The following STKLD1 variants were observed in gnomAD, a reference collection of about 807,000 sequenced individuals.
STKLD1 encodes serine/threonine kinase-like domain-containing protein STKLD1.
In STKLD1, 79 loss-of-function variants were observed where a neutral mutation model predicts 80.4. That is an observed-to-expected ratio of 0.98 (90% CI 0.82 to 1.19). The LOEUF (loss-of-function observed/expected upper bound fraction) is 1.19, where lower values mean the gene tolerates loss of function less well. Ranked by LOEUF, STKLD1 falls within the 50% of genes most tolerant of loss-of-function variation. The pLI, the probability that STKLD1 is intolerant of heterozygous loss-of-function variation, is 0.00. For missense variants in STKLD1, 841 were observed against 856.0 expected, an observed-to-expected ratio of 0.98 and a Z score of 0.22; for synonymous variants, 393 against 357.6, an observed-to-expected ratio of 1.10 and a Z score of -1.12.
chr9:133,395,962 G>A (rs772160413), intron 9 of STKLD1, 199 bp downstream of exon 9: 25 of 551,526 alleles, frequency 4.5e-5, no homozygotes, highest in Admixed American at 1.9e-4. Context: ...CCGAATGTAC[G>A]GTGGAGTGAG....
At chr9:133,403,669 G>A (rs782253368) in intron 14 of STKLD1, 31 bp from the exon 15 acceptor site, 2 of 1,604,654 alleles carry the variant, frequency 1.2e-6, no homozygotes, top group African/African-American at 2.7e-5. Flanking sequence ...CAAGGCCTGG[G>A]TGTCCCCTTC....
chr9:133,404,430 G>A (rs587773454), intron 16 of STKLD1, among the ~76,000 whole-genome samples: 1 of 152,332 alleles, frequency 6.6e-6, no homozygotes, highest in East Asian at 1.9e-4. Flanking sequence ...GCTGAGCACA[G>A]CACAACCGAC....
intron 7 of STKLD1, among the ~76,000 whole-genome samples, chr9:133,392,751 G>A: frequency 1.2e-5 from 1 of 85,016 alleles, no homozygotes; most frequent in African/African-American, 5.7e-5. Context: ...GGATGGATAG[G>A]AGGGTGGGTG....
Position 133,405,331 on chromosome 9 carries a change from G to C in STKLD1, c.1953G>C (p.Leu651=). The stretch of plus-strand genomic sequence containing the variant: ...TCAAGGAGCGCTTCACCTCCAGCCT[G>C]GTGAGTGACAGCAGCGCCTTCAGCA... ...QEIKERFTSS[L]VSDSSAFSKP... Residue 651 remains leucine, a synonymous_variant, in exon 18 of 18, where the codon CTG becomes CTC. Transcript: ENST00000371957. The C allele has an allele frequency of 1.2e-6, 2 of 1,612,916 alleles. No individual in the cohort carries two copies. Among genetic ancestry groups the C allele is most frequent in the Non-Finnish European group, 1.7e-6 (2 of 1,179,938 alleles).
At chr9:133,395,368 T>G (rs1838532782) in intron 8 of STKLD1, among the ~76,000 whole-genome samples, 1 of 152,140 alleles carries the variant, frequency 6.6e-6, no homozygotes, top group Admixed American at 6.5e-5. Context: ...GGGGCTTTCT[T>G]GGCAGGACTC....
Position 133,405,545 on chromosome 9 carries a change from C to G in STKLD1, c.*124C>G. On this transcript the variant is annotated 3_prime_UTR_variant, in exon 18 of 18. Coordinates refer to ENST00000371957, the MANE Select transcript of STKLD1 (RefSeq NM_153710.5). ...ATCTTAAACGGGAGGGGTAATCAGACCTCTCCAAAGAGTTTCCTGTCCATG... is the reference window on the plus strand; with the variant it reads ...ATCTTAAACGGGAGGGGTAATCAGAGCTCTCCAAAGAGTTTCCTGTCCATG... The G allele has an allele frequency of 1.0e-6, 1 of 985,576 alleles. No homozygotes were observed. Among genetic ancestry groups the G allele is most frequent in the Non-Finnish European group, 1.4e-6 (1 of 696,198 alleles). 61.1% of individuals were successfully genotyped at this position (985,576 alleles called of 1,614,324 possible). A position where few individuals can be genotyped will look rare whatever the true frequency, so the allele number is the denominator to read the frequency against.
In STKLD1 at chr9:133,401,732, G is replaced by A; in HGVS notation, c.1199-6G>A. The A allele has an allele frequency of 1.2e-6, 2 of 1,610,552 alleles. No individual in the cohort carries two copies. Among genetic ancestry groups the A allele is most frequent in the African/African-American group, 1.3e-5 (1 of 74,980 alleles). Reference sequence around the variant, plus strand: ...AACCCCAGGCGTCTTCCTCTGGCTTGAGCAGCGCTGGTGCACCACCCGGAA... The same window carrying A: ...AACCCCAGGCGTCTTCCTCTGGCTTAAGCAGCGCTGGTGCACCACCCGGAA... On this transcript the variant is annotated splice_region_variant and splice_polypyrimidine_tract_variant and intron_variant, in intron 12 of 17. Transcript: ENST00000371957.
At chr9:133,378,084 G>T (rs1050629486) in intron 1 of STKLD1, among the ~76,000 whole-genome samples, 1 of 152,184 alleles carries the variant, frequency 6.6e-6, no homozygotes, top group African/African-American at 2.4e-5. Context: ...ATGGGGAGCG[G>T]CTGTAAATAC....
chr9:133,400,330 C>T lies in STKLD1; in HGVS notation c.1082-83C>T, dbSNP rs587677931. On this transcript the variant is annotated intron_variant, in intron 11 of 17. Coordinates refer to ENST00000371957, the MANE Select transcript of STKLD1 (RefSeq NM_153710.5). Reference sequence around the variant, plus strand: ...CCACCTAGGGCCCTGCAGGCTCCTACCAGCCTCTGGGGGCCCTGGTCGGGT... The same window carrying T: ...CCACCTAGGGCCCTGCAGGCTCCTATCAGCCTCTGGGGGCCCTGGTCGGGT... 26 of 1,000,518 alleles carry T rather than the reference C, an allele frequency of 2.6e-5. No homozygotes were observed. The East Asian group carries it at 4.8e-4, about 18-fold the overall frequency. The allele number at this position is 1,000,518 out of a possible 1,614,324, so 62.0% of individuals were successfully genotyped here.
intron 11 of STKLD1, 135 bp downstream of exon 11, chr9:133,398,190 A>T: frequency 1.4e-6 from 1 of 716,516 alleles, no homozygotes; most frequent in South Asian, 1.9e-5. Flanking sequence ...GGAGGCGTGC[A>T]TGTGTCCCCA....
intron 11 of STKLD1, 132 bp downstream of exon 11, chr9:133,398,187 T>A: frequency 1.4e-6 from 1 of 731,986 alleles, no homozygotes; most frequent in Non-Finnish European, 2.2e-6. Flanking sequence ...CGTGGAGGCG[T>A]GCATGTGTCC....
At chr9:133,386,871 G>A (rs117635052) in intron 4 of STKLD1, among the ~76,000 whole-genome samples, 2 of 152,318 alleles carry the variant, frequency 1.3e-5, no homozygotes, top group East Asian at 1.9e-4. Flanking sequence ...CAACAATCCC[G>A]GGTCCGAGCA....
intron 2 of STKLD1, among the ~76,000 whole-genome samples, chr9:133,383,219 G>GA (rs2119210046): frequency 7.6e-6 from 1 of 131,700 alleles, no homozygotes; most frequent in Admixed American, 7.8e-5. Context: ...AATGATGGTG[G>GA]TGATGGTGAT....
intron 11 of STKLD1, among the ~76,000 whole-genome samples, chr9:133,399,366 A>G (rs1297422182): frequency 6.6e-6 from 1 of 152,056 alleles, no homozygotes; most frequent in Non-Finnish European, 1.5e-5. Flanking sequence ...CTGGCCTTTG[A>G]GTAGGTAGCA....
In STKLD1 at chr9:133,379,110, T is replaced by C. The variant is rs2130259692; in HGVS notation, c.162T>C (p.His54=). 19 of 1,613,898 alleles carry C rather than the reference T, an allele frequency of 1.2e-5. No individual in the cohort carries two copies. ...AGGAAATGGAAACCAAAGTCAAGCA[T>C]GTGATAAAGCAGGTAAGAGGCCAAG... The part of the protein sequence containing the change: ...VVEEMETKVK[H]VIKQVECMDD... The change falls in exon 2 of 18, where the codon CAT becomes CAC. Residue 54 remains histidine, a synonymous_variant. Transcript: ENST00000371957.
intron 10 of STKLD1, among the ~76,000 whole-genome samples, chr9:133,397,762 G>C (rs921417568): frequency 1.1e-4 from 16 of 152,206 alleles, no homozygotes; most frequent in Non-Finnish European, 2.4e-4. Flanking sequence ...CTCCAAGACA[G>C]AGACTTGGGT....
At chr9:133,377,275 C>A (rs1355992099) in intron 1 of STKLD1, among the ~76,000 whole-genome samples, 1 of 152,152 alleles carries the variant, frequency 6.6e-6, no homozygotes, top group East Asian at 1.9e-4. Context: ...AAAAAATAGA[C>A]TTGATTCGAG....
Position 133,397,981 on chromosome 9 carries a change from A to C in STKLD1, c.1007A>C (p.Gln336Pro), listed in dbSNP as rs144772739. 2.5e-6 allele frequency: 4 copies of C among 1,613,422 alleles called. No individual in the cohort carries two copies. The African/African-American group carries it at 5.3e-5, about 22-fold the overall frequency. The stretch of plus-strand genomic sequence containing the variant: ...CTTCCTGTCCCTGCAGAGGTCATGC[A>C]GAAATTCTCTGGCTGGCCCGAAGTC... ...GNVASILEVM[Q>P]KFSGWPEVQL... The change falls in exon 11 of 18, where the codon CAG becomes CCG. Residue 336 changes from glutamine (Q) to proline (P), a missense_variant. By Grantham distance (76) the Gln-to-Pro change is moderately conservative (BLOSUM62 -1). Transcript: ENST00000371957.
intron 7 of STKLD1, among the ~76,000 whole-genome samples, chr9:133,393,091 ATGT>A (rs1838449313): frequency 2.0e-5 from 1 of 49,824 alleles, no homozygotes; most frequent in African/African-American, 8.7e-5. Flanking sequence ...GGGTGGGTGC[ATGT>A]GTGGATGGAT....
Sources: gnomAD v4.1 joint callset for allele counts (sites outside exome capture counted in the v4.1 genomes callset) on GRCh38, gnomAD v4.1.1 for gene constraint, MANE v1.5 for transcripts, NCBI Gene and HGNC (gene_info 2026-07-23, HGNC 2026-07-21) for gene names.